Variants in CEP112 observed in about 807,000 individuals in gnomAD.
The protein encoded by CEP112 is centrosomal protein of 112 kDa.
Under a neutral mutation model 153.0 loss-of-function variants are expected in CEP112, and 127 were observed. The ratio of observed to expected loss-of-function variants is 0.83; its 90% CI spans 0.72 to 0.96. CEP112 has a LOEUF of 0.96. Among genes scored for constraint, CEP112 ranks in the 40% least tolerant of loss-of-function variants. The pLI, the probability that CEP112 is intolerant of heterozygous loss-of-function variation, is 0.00. For synonymous variants in CEP112, 358 were observed against 374.4 expected, an observed-to-expected ratio of 0.96 and a Z score of 0.51; for missense variants, 1,089 against 1,101.2, an observed-to-expected ratio of 0.99 and a Z score of 0.16.
At chr17:65,855,337 C>T (rs1296486746) in intron 20 of CEP112, among the ~76,000 whole-genome samples, 2 of 152,070 alleles carry the variant, frequency 1.3e-5, no homozygotes, top group Admixed American at 6.6e-5. Context: ...CAAAGCCCTC[C>T]TTGGGTGAGG....
intron 20 of CEP112, among the ~76,000 whole-genome samples, chr17:65,898,253 T>A (rs75984286): frequency 0.02 from 3,047 of 152,224 alleles, 107 homozygotes; most frequent in African/African-American, 0.069. Flanking sequence ...CTATACATAT[T>A]GTTAAATTTA....
chr17:65,722,403 C>G (rs1290119359), intron 23 of CEP112, among the ~76,000 whole-genome samples: 3 of 152,152 alleles, frequency 2.0e-5, no homozygotes, highest in Non-Finnish European at 2.9e-5. Flanking sequence ...CACACACCAC[C>G]ACACCCAGCT....
At chr17:65,904,105 A>T (rs2059978858) in intron 19 of CEP112, among the ~76,000 whole-genome samples, 1 of 152,226 alleles carries the variant, frequency 6.6e-6, no homozygotes, top group South Asian at 2.1e-4. Flanking sequence ...TGGTCAGGGC[A>T]ATCACGCAAG....
intron 21 of CEP112, among the ~76,000 whole-genome samples, chr17:65,778,397 C>T (rs2053805888): frequency 6.6e-6 from 1 of 152,144 alleles, no homozygotes; most frequent in East Asian, 1.9e-4. Context: ...CATATGCTAA[C>T]ATTGTTTTCT....
chr17:65,655,329 G>A lies in CEP112; in HGVS notation c.2698-14264C>T, dbSNP rs138569540. On this transcript the variant is annotated intron_variant, in intron 24 of 26. Transcript: ENST00000535342. ...AGACACTACAGCTGGATTTCTCGATGAAAATCTTGCCAAATTACCACCACC... is the reference window on the plus strand; with the variant it reads ...AGACACTACAGCTGGATTTCTCGATAAAAATCTTGCCAAATTACCACCACC... The A allele has an allele frequency of 1.0e-3, 1,608 of 1,566,722 alleles. 13 individuals carry two copies. Among genetic ancestry groups the A allele is most frequent in the South Asian group, 3.9e-3 (349 of 90,086 alleles).
At chr17:65,994,016 AGG>A (rs1306452161) in intron 17 of CEP112, among the ~76,000 whole-genome samples, 3 of 5,892 alleles carry the variant, frequency 5.1e-4, no homozygotes, top group African/African-American at 1.6e-3. Flanking sequence ...TTCGGTTCAT[AGG>A]AAAAAAAAAA....
chr17:65,651,051 A>G (rs2045746331), intron 24 of CEP112, among the ~76,000 whole-genome samples: 1 of 152,222 alleles, frequency 6.6e-6, no homozygotes, highest in Admixed American at 6.5e-5. Context: ...AGCAGTGTAC[A>G]CTGAACCCAG....
chr17:65,639,804 A>C (rs986355344), intron 25 of CEP112, among the ~76,000 whole-genome samples: 2 of 150,076 alleles, frequency 1.3e-5, no homozygotes, highest in African/African-American at 4.9e-5. Context: ...ATCGTGAACC[A>C]CATCACATTT....
At chr17:66,064,927 ATATT>A (rs2067058953) in intron 10 of CEP112, among the ~76,000 whole-genome samples, 1 of 152,202 alleles carries the variant, frequency 6.6e-6, no homozygotes, top group Non-Finnish European at 1.5e-5. Flanking sequence ...GAACCTACAA[ATATT>A]TATTTAATTG....
intron 11 of CEP112, among the ~76,000 whole-genome samples, chr17:66,060,147 G>A (rs915157320): frequency 6.6e-6 from 1 of 152,130 alleles, no homozygotes; most frequent in Non-Finnish European, 1.5e-5. Flanking sequence ...AGAGGAAAGA[G>A]GGGGACAAAG....
At chr17:66,086,517 C>T (rs1200113318) in intron 8 of CEP112, among the ~76,000 whole-genome samples, 1 of 149,208 alleles carries the variant, frequency 6.7e-6, no homozygotes, top group Non-Finnish European at 1.5e-5. Context: ...CACTCTCCTG[C>T]CTCAGCCTCC....
At chr17:66,067,644 ATAT>A (rs2067173009) in intron 9 of CEP112, among the ~76,000 whole-genome samples, 1 of 152,212 alleles carries the variant, frequency 6.6e-6, no homozygotes, top group Non-Finnish European at 1.5e-5. Context: ...TGTAAAAATT[ATAT>A]TATAGTGCAT....
chr17:66,164,790 G>A (rs2071867076), intron 4 of CEP112, among the ~76,000 whole-genome samples: 1 of 151,742 alleles, frequency 6.6e-6, no homozygotes, highest in African/African-American at 2.4e-5. Context: ...AGAAGGCAGA[G>A]GTTGTGGTGA....
At chr17:65,955,050 G>A (rs1568286541) in intron 18 of CEP112, among the ~76,000 whole-genome samples, 1 of 152,142 alleles carries the variant, frequency 6.6e-6, no homozygotes, top group Non-Finnish European at 1.5e-5. Context: ...TCATCGCCTA[G>A]GCACATAGTC....
chr17:66,069,898 C>G lies in CEP112; in HGVS notation c.855+17G>C. The G allele has an allele frequency of 6.9e-7, 1 of 1,440,268 alleles. No homozygotes were observed. Among genetic ancestry groups the G allele is most frequent in the Non-Finnish European group, 9.7e-7 (1 of 1,034,478 alleles). 89.2% of individuals were successfully genotyped at this position (1,440,268 alleles called of 1,614,324 possible). A position where few individuals can be genotyped will look rare whatever the true frequency, so the allele number is the denominator to read the frequency against. On this transcript the variant is annotated intron_variant, in intron 9 of 26. Coordinates refer to ENST00000535342, the MANE Select transcript of CEP112 (RefSeq NM_001199165.4). ...TTTAGTGTTCAATATAATTAAAACACGAGATATATATCCTACCTTCTGAAC... is the reference window on the plus strand; with the variant it reads ...TTTAGTGTTCAATATAATTAAAACAGGAGATATATATCCTACCTTCTGAAC...
intron 21 of CEP112, among the ~76,000 whole-genome samples, chr17:65,812,127 C>G (rs1011391016): frequency 4.6e-5 from 7 of 152,182 alleles, no homozygotes; most frequent in African/African-American, 7.2e-5. Flanking sequence ...CCTCAGCCTC[C>G]TGAGTAGCTA....
At chr17:66,113,557 A>C (rs1364578136) in intron 6 of CEP112, among the ~76,000 whole-genome samples, 2 of 152,196 alleles carry the variant, frequency 1.3e-5, no homozygotes, top group African/African-American at 4.8e-5. Context: ...GCTAATTACA[A>C]TGCAGCATTT....
intron 21 of CEP112, chr17:65,804,351 T>C (rs1292900209): frequency 6.6e-6 from 1 of 152,162 alleles, no homozygotes; most frequent in Non-Finnish European, 1.5e-5. Flanking sequence ...ATTTCAGTCA[T>C]TTATCCATTT....
At chr17:65,852,064 A>G (rs752245892) in intron 20 of CEP112, 30 bp from the exon 21 acceptor site, 11 of 1,505,266 alleles carry the variant, frequency 7.3e-6, no homozygotes, top group Non-Finnish European at 9.1e-6. Flanking sequence ...AAATGGGCAG[A>G]AGATATCAAT....
Sources: allele counts gnomAD v4.1 joint callset (sites outside exome capture counted in the v4.1 genomes callset), GRCh38; gene constraint gnomAD v4.1.1; transcripts MANE v1.5; gene names NCBI Gene and HGNC (gene_info 2026-07-23, HGNC 2026-07-21).